Variants in IMMT observed in about 807,000 individuals in gnomAD.
IMMT encodes inner membrane mitochondrial protein.
A neutral mutation model predicts 92.7 loss-of-function variants in IMMT; 40 were observed. The observed-to-expected ratio is 0.43, with a 90% confidence interval of 0.34 to 0.56. IMMT has a LOEUF of 0.56. Ranked by LOEUF, IMMT falls within the 20% of genes least tolerant of loss-of-function variation. The probability of loss-of-function intolerance (pLI) is 0.03; values close to 1 mark genes in which losing one functional copy is unlikely to be tolerated. For missense variants in IMMT, 831 were observed against 912.1 expected, an observed-to-expected ratio of 0.91 and a Z score of 1.14; for synonymous variants, 322 against 336.1, an observed-to-expected ratio of 0.96 and a Z score of 0.46.
At chr2:86,145,405 G>C (rs950253509) in intron 14 of IMMT, among the ~76,000 whole-genome samples, 3 of 147,502 alleles carry the variant, frequency 2.0e-5, no homozygotes, top group African/African-American at 7.5e-5. Flanking sequence ...TGAGGCAGGA[G>C]AATCGCTTGA....
chr2:86,184,166 T>C (rs539474159), intron 1 of IMMT, among the ~76,000 whole-genome samples: 5 of 152,120 alleles, frequency 3.3e-5, no homozygotes, highest in Non-Finnish European at 5.9e-5. Flanking sequence ...GTTTCAAGCA[T>C]ATAAATAATT....
At position 86,146,206 on chromosome 2, in the gene IMMT, A is replaced by C; in HGVS notation, c.1534-9T>G. The C allele has an allele frequency of 6.3e-7, 1 of 1,598,118 alleles. No individual in the cohort carries two copies. The highest frequency in any genetic ancestry group is 8.6e-7 in the Non-Finnish European group (1 of 1,168,808). On this transcript the variant is annotated splice_polypyrimidine_tract_variant and intron_variant, in intron 13 of 14. Transcript: ENST00000410111. ...AGTTTCTCAGACAGGTTCTGAAATA[A>C]AACAGAAATAGTTCCAGAAAAAAGT... is the stretch of plus-strand genomic sequence containing the variant.
intron 3 of IMMT, among the ~76,000 whole-genome samples, chr2:86,176,098 C>CACTTAA (rs1395692211): frequency 6.6e-6 from 1 of 152,140 alleles, no homozygotes; most frequent in African/African-American, 2.4e-5. Flanking sequence ...GCCAGATTGC[C>CACTTAA]AAGGGTATTG....
At chr2:86,156,593 C>CAAAA (rs57252871) in intron 10 of IMMT, among the ~76,000 whole-genome samples, 1 of 44,642 alleles carries the variant, frequency 2.2e-5, no homozygotes, top group Non-Finnish European at 4.7e-5. Context: ...GACTCCATCT[C>CAAAA]AAAAAAAAAA....
chr2:86,191,140 G>A (rs1210374295), intron 1 of IMMT, among the ~76,000 whole-genome samples: 2 of 151,674 alleles, frequency 1.3e-5, no homozygotes, highest in Non-Finnish European at 2.9e-5. Context: ...GAGCCCAGGA[G>A]TTTGAGACCA....
chr2:86,165,693 G>C (rs1455362671), intron 7 of IMMT, among the ~76,000 whole-genome samples: 1 of 152,070 alleles, frequency 6.6e-6, no homozygotes, highest in Non-Finnish European at 1.5e-5. Context: ...AATGTATTAA[G>C]TCCCAGTATT....
chr2:86,181,340 T>G lies in IMMT; in HGVS notation c.78A>C (p.Pro26=), dbSNP rs766693793. 6 of 1,613,820 alleles carry G rather than the reference T, an allele frequency of 3.7e-6. No individual in the cohort carries two copies. In the Admixed American group the frequency reaches 1.0e-4, roughly 27 times the overall value. ...TAGAGTATCTGCGGCATGGTCGCAA[T>G]GGACGGAGGACAAACTTCCCACAGA... ...SCLCGKFVLR[P]LRPCRRYSTS... Residue 26 remains proline, a synonymous_variant, in exon 2 of 15, where the codon CCA becomes CCC. Coordinates refer to ENST00000410111, the MANE Select transcript of IMMT (RefSeq NM_006839.3).
At chr2:86,184,174 AT>A (rs1001278255) in intron 1 of IMMT, among the ~76,000 whole-genome samples, 19 of 150,304 alleles carry the variant, frequency 1.3e-4, no homozygotes, top group South Asian at 4.2e-4. Context: ...CATATAAATA[AT>A]TTTTTTTTTA....
intron 3 of IMMT, among the ~76,000 whole-genome samples, chr2:86,175,263 G>A (rs1558832526): frequency 6.6e-6 from 1 of 151,952 alleles, no homozygotes; most frequent in African/African-American, 2.4e-5. Flanking sequence ...TGTTAAAACT[G>A]TATTATCTGG....
chr2:86,195,230 G>A (rs1157541037), intron 1 of IMMT, 108 bp downstream of exon 1: 2 of 1,245,848 alleles, frequency 1.6e-6, no homozygotes, highest in South Asian at 1.7e-5. Context: ...GGGTGGCCCT[G>A]AGGCTCGCCT....
chr2:86,190,992 T>C (rs1200569265), intron 1 of IMMT, among the ~76,000 whole-genome samples: 1 of 151,454 alleles, frequency 6.6e-6, no homozygotes, highest in Non-Finnish European at 1.5e-5. Context: ...ATACTATCTG[T>C]GATGGTTCAT....
At chr2:86,182,547 A>G (rs1405786986) in intron 1 of IMMT, among the ~76,000 whole-genome samples, 2 of 152,244 alleles carry the variant, frequency 1.3e-5, no homozygotes, top group Admixed American at 6.5e-5. Flanking sequence ...AAGTATTTCA[A>G]TTATTGACAT....
rs571039088 is a variant in IMMT at position 86,145,261 on chromosome 2, G to A, written c.1664-380C>T. ...TGTAATCCCAGCAATTTGGGAGGCC[G>A]AGGTGGGTGGATCACTTGTGGTCAG... On this transcript the variant is annotated intron_variant, in intron 14 of 14. Transcript: ENST00000410111. 3.2e-5 allele frequency among the ~76,000 whole-genome samples: 4 copies of A among 124,662 alleles called. No individual in the cohort carries two copies. The East Asian group carries it at 6.0e-4, about 19-fold the overall frequency. The allele number at this position is 124,662 out of a possible 152,430, so 81.8% of individuals were successfully genotyped here.
At chr2:86,150,072 T>C (rs567056565) in intron 12 of IMMT, among the ~76,000 whole-genome samples, 1 of 152,266 alleles carries the variant, frequency 6.6e-6, no homozygotes, top group African/African-American at 2.4e-5. Context: ...CTGGAATAGC[T>C]GAGCAGATTG....
intron 1 of IMMT, among the ~76,000 whole-genome samples, chr2:86,183,604 T>C (rs1434141278): frequency 6.7e-6 from 1 of 149,720 alleles, no homozygotes; most frequent in Non-Finnish European, 1.5e-5. Context: ...AGTTTAAATA[T>C]GCATAGAGTA....
At chr2:86,175,354 CTAATA>C (rs1319485363) in intron 3 of IMMT, among the ~76,000 whole-genome samples, 1 of 151,958 alleles carries the variant, frequency 6.6e-6, no homozygotes, top group African/African-American at 2.4e-5. Context: ...TCATTTCTCT[CTAATA>C]TATACATATA....
intron 1 of IMMT, among the ~76,000 whole-genome samples, chr2:86,192,383 A>T (rs116048194): frequency 6.6e-6 from 1 of 152,284 alleles, no homozygotes; most frequent in East Asian, 1.9e-4. Context: ...CGAGGTGGGC[A>T]TATCACTTGA....
At chr2:86,166,309 C>T (rs971194052) in intron 7 of IMMT, among the ~76,000 whole-genome samples, 199 bp downstream of exon 7, 15 of 152,220 alleles carry the variant, frequency 9.9e-5, no homozygotes, top group Admixed American at 8.5e-4. Context: ...CCAGCCCGGG[C>T]GACAGAGCAA....
At chr2:86,158,156 A>G (rs564712253) in intron 10 of IMMT, among the ~76,000 whole-genome samples, 119 of 152,342 alleles carry the variant, frequency 7.8e-4, no homozygotes, top group African/African-American at 2.6e-3. Flanking sequence ...TAAATTCTCA[A>G]CAAAGTGTTG....
Sources: gnomAD v4.1 joint callset for allele counts (sites outside exome capture counted in the v4.1 genomes callset) on GRCh38, gnomAD v4.1.1 for gene constraint, MANE v1.5 for transcripts, NCBI Gene and HGNC (gene_info 2026-07-23, HGNC 2026-07-21) for gene names.